Variants in GLCCI1 observed in about 807,000 individuals in gnomAD.
GLCCI1 encodes glucocorticoid-induced transcript 1 protein.
A neutral mutation model predicts 52.2 loss-of-function variants in GLCCI1; 24 were observed. That is an observed-to-expected ratio of 0.46 (90% CI 0.33 to 0.65). GLCCI1 has a LOEUF of 0.65. GLCCI1 is among the 30% of genes least tolerant of loss of function. The pLI, the probability that GLCCI1 is intolerant of heterozygous loss-of-function variation, is 0.02. For synonymous variants in GLCCI1, 310 were observed against 276.5 expected, an observed-to-expected ratio of 1.12 and a Z score of -1.20; for missense variants, 704 against 701.5, an observed-to-expected ratio of 1.00 and a Z score of -0.04.
intron 2 of GLCCI1, among the ~76,000 whole-genome samples, chr7:8,009,789 G>C (rs1018306760): frequency 6.6e-6 from 1 of 152,028 alleles, no homozygotes; most frequent in African/African-American, 2.4e-5. Flanking sequence ...AATATGCAAA[G>C]TATAACCCTT....
chr7:8,001,666 C>A (rs111716528), intron 1 of GLCCI1, among the ~76,000 whole-genome samples: 3 of 152,130 alleles, frequency 2.0e-5, no homozygotes, highest in South Asian at 2.1e-4. Context: ...ATGTTTATTG[C>A]GGCACTATTC....
Position 7,969,325 on chromosome 7 carries a change from C to T in GLCCI1, c.-26C>T. On this transcript the variant is annotated 5_prime_UTR_variant, in exon 1 of 8. Transcript: ENST00000223145. The surrounding 1 kb of genome is among the most constrained non-coding windows in gnomAD (Gnocchi z 4.9). ...CGCCCCGCGCCTCCGTGTCGGCCGGCGGCGTCCAGGGCCCGCAGAGCCACC... is the reference window on the plus strand; with the variant it reads ...CGCCCCGCGCCTCCGTGTCGGCCGGTGGCGTCCAGGGCCCGCAGAGCCACC... The T allele has an allele frequency of 7.0e-7, 1 of 1,427,038 alleles. No homozygotes were observed. The highest frequency in any genetic ancestry group is 9.2e-7 in the Non-Finnish European group (1 of 1,086,934). 88.4% of individuals were successfully genotyped at this position (1,427,038 alleles called of 1,614,324 possible). A position where few individuals can be genotyped will look rare whatever the true frequency, so the allele number is the denominator to read the frequency against.
chr7:7,996,249 G>T (rs1780934979), intron 1 of GLCCI1, among the ~76,000 whole-genome samples: 1 of 152,038 alleles, frequency 6.6e-6, no homozygotes, highest in African/African-American at 2.4e-5. Context: ...TAGTCATAGT[G>T]GATTTTAGAT....
chr7:8,043,416 G>C (rs768463519), intron 3 of GLCCI1, among the ~76,000 whole-genome samples: 1 of 152,004 alleles, frequency 6.6e-6, no homozygotes, highest in Non-Finnish European at 1.5e-5. Flanking sequence ...CATATGACAG[G>C]CTAGATATGG....
chr7:8,014,757 T>A (rs569593618), intron 2 of GLCCI1, among the ~76,000 whole-genome samples: 1 of 152,316 alleles, frequency 6.6e-6, no homozygotes, highest in South Asian at 2.1e-4. Context: ...ACTTGGTCTC[T>A]TGGTTGATAT....
At chr7:8,049,666 T>G (rs1189866614) in intron 3 of GLCCI1, among the ~76,000 whole-genome samples, 1 of 152,212 alleles carries the variant, frequency 6.6e-6, no homozygotes, top group Non-Finnish European at 1.5e-5. Flanking sequence ...TATTTCAGTT[T>G]CACGGCTTGT....
intron 1 of GLCCI1, chr7:7,980,516 T>G (rs1482492615): frequency 4.9e-6 from 2 of 408,360 alleles, no homozygotes; most frequent in African/African-American, 4.1e-5. Flanking sequence ...TATTGCCTTA[T>G]TCACAGTATA....
chr7:8,005,429 TACCGTGTACTGTTTGTTTTATA>T (rs928995582), intron 2 of GLCCI1, among the ~76,000 whole-genome samples: 1 of 152,214 alleles, frequency 6.6e-6, no homozygotes, highest in African/African-American at 2.4e-5. Flanking sequence ...ATTAACTGTG[TACCGTGTACTGTTTGTTTTATA>T]ACCTGTTTCA....
chr7:7,979,944 G>GTCTT (rs1300493217), intron 1 of GLCCI1, among the ~76,000 whole-genome samples: 1 of 151,900 alleles, frequency 6.6e-6, no homozygotes, highest in Non-Finnish European at 1.5e-5. Context: ...CTGTCTTTCT[G>GTCTT]TCTTTCTTTC....
chr7:7,999,909 C>G (rs1455893595), intron 1 of GLCCI1, among the ~76,000 whole-genome samples: 1 of 152,108 alleles, frequency 6.6e-6, no homozygotes, highest in Non-Finnish European at 1.5e-5. Flanking sequence ...CTGTAGAAAA[C>G]ACAAATAAAA....
At chr7:7,977,071 T>C (rs1279118671) in intron 1 of GLCCI1, among the ~76,000 whole-genome samples, 1 of 152,228 alleles carries the variant, frequency 6.6e-6, no homozygotes, top group Non-Finnish European at 1.5e-5. Context: ...TTATTCTCTG[T>C]AGCCATAAAG....
chr7:8,063,112 A>C (rs888242974), intron 5 of GLCCI1, among the ~76,000 whole-genome samples: 76 of 152,042 alleles, frequency 5.0e-4, no homozygotes, highest in Non-Finnish European at 5.9e-4. Flanking sequence ...TTTCTCCACA[A>C]ACTTGCCAAC....
At chr7:7,985,811 G>C (rs1336790983) in intron 1 of GLCCI1, among the ~76,000 whole-genome samples, 1 of 152,144 alleles carries the variant, frequency 6.6e-6, no homozygotes, top group Non-Finnish European at 1.5e-5. Flanking sequence ...GTTATCTGCA[G>C]TTTAATTTTC....
intron 2 of GLCCI1, among the ~76,000 whole-genome samples, chr7:8,004,606 C>A (rs1399559944): frequency 1.3e-5 from 2 of 152,134 alleles, no homozygotes; most frequent in African/African-American, 4.8e-5. Context: ...CATCTTTATT[C>A]ATGATTATCT....
intron 4 of GLCCI1, among the ~76,000 whole-genome samples, chr7:8,059,120 C>T (rs1782461495): frequency 6.6e-6 from 1 of 152,102 alleles, no homozygotes; most frequent in Non-Finnish European, 1.5e-5. Flanking sequence ...GGAAGAAAAT[C>T]TGTATGTAAG....
chr7:8,007,510 G>A (rs2115429898), intron 2 of GLCCI1, among the ~76,000 whole-genome samples: 1 of 152,162 alleles, frequency 6.6e-6, no homozygotes, highest in East Asian at 1.9e-4. Context: ...CATAAGAAAT[G>A]GTCCTTCCCT....
intron 2 of GLCCI1, among the ~76,000 whole-genome samples, chr7:8,020,626 T>A (rs1319795057): frequency 6.6e-6 from 1 of 152,178 alleles, no homozygotes; most frequent in African/African-American, 2.4e-5. Flanking sequence ...GAAAAAGGGC[T>A]GTACAAAATG....
rs1780308269 is a variant in GLCCI1, at chr7:7,969,991, T to C, written c.457+184T>C. ...GAGGAGCGAACTGAAAAGCGACTTT[T>C]ATTTGACCCTCATGCCGCCCCTCAG... On this transcript the variant is annotated intron_variant, in intron 1 of 7. Coordinates refer to ENST00000223145, the MANE Select transcript of GLCCI1 (RefSeq NM_138426.4). This position sits in a 1 kb window ranked among gnomAD's most constrained non-coding sequence, Gnocchi z 4.9. 3 of 731,848 alleles carry C rather than the reference T, an allele frequency of 4.1e-6. No homozygotes were observed. The South Asian group carries it at 1.2e-4, about 30-fold the overall frequency. The allele number at this position is 731,848 out of a possible 1,614,324, so 45.3% of individuals were successfully genotyped here.
chr7:8,069,574 G>A (rs1782708047), intron 5 of GLCCI1, among the ~76,000 whole-genome samples: 2 of 152,080 alleles, frequency 1.3e-5, no homozygotes. Context: ...GGGTGCCGAG[G>A]GCTCACAGGG....
Sources: allele counts gnomAD v4.1 joint callset (sites outside exome capture counted in the v4.1 genomes callset), GRCh38; gene constraint gnomAD v4.1.1; non-coding constraint Gnocchi (gnomAD v3.1); transcripts MANE v1.5; gene names NCBI Gene and HGNC (gene_info 2026-07-23, HGNC 2026-07-21).